The following DENND5B variants were observed in gnomAD, a reference collection of about 807,000 sequenced individuals.
The protein encoded by DENND5B is DENN domain-containing protein 5B.
Under a neutral mutation model 140.6 loss-of-function variants are expected in DENND5B, and 34 were observed. That is an observed-to-expected ratio of 0.24 (90% CI 0.18 to 0.32). The LOEUF is 0.32. Ranked by LOEUF, DENND5B falls within the 10% of genes least tolerant of loss-of-function variation. DENND5B has a pLI of 1.00. For missense variants in DENND5B, 1,142 were observed against 1,560.2 expected (o/e 0.73, Z 4.52); for synonymous variants, 551 against 562.1 (o/e 0.98, Z 0.28).
At chr12:31,521,089 T>A (rs946077296) in intron 1 of DENND5B, among the ~76,000 whole-genome samples, 3 of 151,816 alleles carry the variant, frequency 2.0e-5, no homozygotes, top group Non-Finnish European at 4.4e-5. Context: ...CAGCCTTAGA[T>A]CATTAAAGTT....
intron 3 of DENND5B, among the ~76,000 whole-genome samples, 156 bp from the exon 4 acceptor site, chr12:31,460,537 A>G (rs10843954): frequency 0.41 from 62,234 of 152,032 alleles, 13,258 homozygotes; most frequent in East Asian, 0.57. Context: ...CTATTCCACT[A>G]TAATTAAAGA....
chr12:31,499,382 A>C (rs528972743), intron 1 of DENND5B, among the ~76,000 whole-genome samples: 1 of 152,348 alleles, frequency 6.6e-6, no homozygotes, highest in South Asian at 2.1e-4. Context: ...AAAGTAGGAA[A>C]TATCTGCCAA....
intron 3 of DENND5B, among the ~76,000 whole-genome samples, chr12:31,477,152 C>T (rs1485583651): frequency 2.6e-5 from 4 of 151,396 alleles, no homozygotes; most frequent in East Asian, 1.9e-4. Context: ...TGTTTGAACC[C>T]GGGAGGCGGT....
At chr12:31,419,457 A>G (rs1942917843) in intron 11 of DENND5B, among the ~76,000 whole-genome samples, 1 of 152,152 alleles carries the variant, frequency 6.6e-6, no homozygotes, top group Non-Finnish European at 1.5e-5. Flanking sequence ...CAAAAAAAAA[A>G]AAAGAATGAA....
At position 31,460,375 on chromosome 12, in the gene DENND5B, T is replaced by G; in HGVS notation, c.911A>C (p.Gln304Pro). ...GCCTTCTGCCACAGTCATCAGGCGT[T>G]GATAATCTGCACAGAACAAGGAAAA... ...MQILLYSQDY[Q>P]RLMTVAEGIT... Residue 304 changes from glutamine (Q) to proline (P), a missense_variant, in exon 4 of 21, where the codon CAA becomes CCA. By Grantham distance (76) the Gln-to-Pro change is moderately conservative. Coordinates refer to ENST00000389082, the MANE Select transcript of DENND5B (RefSeq NM_144973.4). 6.2e-7 allele frequency: 1 copy of G among 1,613,800 alleles called. No homozygotes were observed. The highest frequency in any genetic ancestry group is 8.5e-7 in the Non-Finnish European group (1 of 1,179,814).
At chr12:31,440,856 C>T (rs970957696) in intron 7 of DENND5B, among the ~76,000 whole-genome samples, 3 of 152,162 alleles carry the variant, frequency 2.0e-5, no homozygotes, top group Non-Finnish European at 4.4e-5. Flanking sequence ...ATGCCTCAGC[C>T]TCCCAAGTAG....
At chr12:31,546,414 C>T (rs547616471) in intron 1 of DENND5B, among the ~76,000 whole-genome samples, 41 of 152,008 alleles carry the variant, frequency 2.7e-4, no homozygotes, top group Non-Finnish European at 5.4e-4. Flanking sequence ...TGGCCAGGTG[C>T]GGTGGCTCAC....
chr12:31,419,254 T>C (rs2137649368), intron 11 of DENND5B, among the ~76,000 whole-genome samples: 1 of 152,338 alleles, frequency 6.6e-6, no homozygotes, highest in East Asian at 1.9e-4. Context: ...TGGATTTAAT[T>C]CTTGGCTACG....
At chr12:31,522,020 C>T (rs982829271) in intron 1 of DENND5B, among the ~76,000 whole-genome samples, 1 of 152,182 alleles carries the variant, frequency 6.6e-6, no homozygotes, top group Non-Finnish European at 1.5e-5. Context: ...CCTTCCTCTT[C>T]TCTCTCATGT....
chr12:31,562,555 G>A (rs949601420), intron 1 of DENND5B, among the ~76,000 whole-genome samples: 4 of 151,974 alleles, frequency 2.6e-5, no homozygotes, highest in Middle Eastern at 3.2e-3. Flanking sequence ...TGGAGGTTGC[G>A]GTGAGCCGAG....
At chr12:31,480,618 T>G (rs7133082) in intron 2 of DENND5B, among the ~76,000 whole-genome samples, 1 of 151,956 alleles carries the variant, frequency 6.6e-6, no homozygotes, top group East Asian at 1.9e-4. Context: ...CAATAGTTGC[T>G]GTATCAACGA....
At chr12:31,484,305 A>G (rs1281707224) in intron 2 of DENND5B, among the ~76,000 whole-genome samples, 1 of 152,142 alleles carries the variant, frequency 6.6e-6, no homozygotes, top group Non-Finnish European at 1.5e-5. Flanking sequence ...AGCCTTGGAG[A>G]TGAGAAGCAT....
At position 31,394,804 on chromosome 12, in the gene DENND5B, G is replaced by A. The variant is rs373426827; in HGVS notation, c.3257-2108C>T. ...AATTTTTTGTATTTTTAGTAGAGAC[G>A]GGGTTTCACCATGTTAGCCAGGATG... On this transcript the variant is annotated intron_variant, in intron 17 of 20. Transcript: ENST00000389082. Among the ~76,000 whole-genome samples, 5 of 151,950 alleles carry A rather than the reference G, an allele frequency of 3.3e-5. No individual in the cohort carries two copies. In the South Asian group the frequency reaches 6.3e-4, roughly 19 times the overall value.
intron 5 of DENND5B, among the ~76,000 whole-genome samples, chr12:31,448,202 C>T (rs1314541420): frequency 6.6e-6 from 1 of 151,842 alleles, no homozygotes; most frequent in Non-Finnish European, 1.5e-5. Flanking sequence ...GGCACGATCT[C>T]GGCTCACTGC....
chr12:31,394,613 C>T (rs793165), intron 17 of DENND5B, among the ~76,000 whole-genome samples: 1 of 92,158 alleles, frequency 1.1e-5, no homozygotes. Context: ...TTACCCTGTG[C>T]TCTTTTTTTT....
intron 2 of DENND5B, among the ~76,000 whole-genome samples, chr12:31,481,331 G>T (rs1946060414): frequency 6.6e-6 from 1 of 152,118 alleles, no homozygotes; most frequent in Non-Finnish European, 1.5e-5. Context: ...TTTTATGAGA[G>T]GGGCCCTATG....
At chr12:31,433,332 C>A in intron 7 of DENND5B, 84 bp from the exon 8 acceptor site, 1 of 1,178,878 alleles carries the variant, frequency 8.5e-7, no homozygotes, top group South Asian at 1.6e-5. Context: ...GACTGACACA[C>A]ACATTTTAAA....
chr12:31,506,635 G>A (rs937318349), intron 1 of DENND5B, among the ~76,000 whole-genome samples: 4 of 152,152 alleles, frequency 2.6e-5, no homozygotes, highest in African/African-American at 9.7e-5. Context: ...TAACAGACTG[G>A]CTATAAATTT....
chr12:31,433,616 AAAT>A (rs1943613995), intron 7 of DENND5B, among the ~76,000 whole-genome samples: 1 of 152,180 alleles, frequency 6.6e-6, no homozygotes, highest in African/African-American at 2.4e-5. Flanking sequence ...TGCTCAAAGT[AAAT>A]ATTATGAATA....
Sources: allele counts gnomAD v4.1 joint callset (sites outside exome capture counted in the v4.1 genomes callset), GRCh38; gene constraint gnomAD v4.1.1; transcripts MANE v1.5; gene names NCBI Gene and HGNC (gene_info 2026-07-23, HGNC 2026-07-21).